The following MED12L variants were observed in gnomAD, a reference collection of about 807,000 sequenced individuals.
MED12L encodes the protein mediator complex subunit 12L.
In MED12L, 60 loss-of-function variants were observed where a neutral mutation model predicts 281.3. That is an observed-to-expected ratio of 0.21 (90% CI 0.17 to 0.26). MED12L has a LOEUF of 0.26. Ranked by LOEUF, MED12L falls within the 10% of genes least tolerant of loss-of-function variation. The pLI, the probability that MED12L is intolerant of heterozygous loss-of-function variation, is 1.00. For synonymous variants in MED12L, 974 were observed against 987.2 expected (o/e 0.99, Z 0.25); for missense variants, 2,146 against 2,680.9 (o/e 0.80, Z 4.41).
rs1464346390 is a variant in MED12L at position 151,373,661 on chromosome 3, AT to A, written c.3864+896del. 3.9e-4 allele frequency among the ~76,000 whole-genome samples: 60 copies of A among 152,092 alleles called. No individual in the cohort carries two copies. In the East Asian group the frequency reaches 9.8e-3, roughly 25 times the overall value. On this transcript the variant is annotated intron_variant, in intron 27 of 44. Coordinates refer to ENST00000687756, the MANE Select transcript of MED12L (RefSeq NM_001393769.1). ...CCTCTCCCCTGTTTATTTATTATCCATATGGGTTATAATATACTGTACTTAG... is the reference window on the plus strand; with the variant it reads ...CCTCTCCCCTGTTTATTTATTATCCAATGGGTTATAATATACTGTACTTAG...
intron 36 of MED12L, among the ~76,000 whole-genome samples, chr3:151,386,200 A>G (rs915094715): frequency 2.6e-5 from 4 of 152,216 alleles, no homozygotes; most frequent in African/African-American, 9.6e-5. Context: ...GTTTGTGTAA[A>G]GAAAAAAAGC....
At chr3:151,149,934 A>G (rs181409500) in intron 5 of MED12L, among the ~76,000 whole-genome samples, 7 of 152,256 alleles carry the variant, frequency 4.6e-5, no homozygotes, top group Admixed American at 3.9e-4. Context: ...TTCTAATTCT[A>G]GTTCTCTTGC....
chr3:151,121,122 T>C (rs1713689834), intron 3 of MED12L, among the ~76,000 whole-genome samples: 2 of 152,246 alleles, frequency 1.3e-5, no homozygotes. Context: ...TGTAGGTGTT[T>C]TGTGCTCTTG....
intron 16 of MED12L, among the ~76,000 whole-genome samples, chr3:151,231,665 A>G (rs551197843): frequency 9.9e-5 from 15 of 152,222 alleles, no homozygotes; most frequent in Non-Finnish European, 1.9e-4. Flanking sequence ...CCAAAGAGAA[A>G]TAACACCGTT....
intron 16 of MED12L, among the ~76,000 whole-genome samples, chr3:151,235,207 C>G (rs1051851116): frequency 3.9e-5 from 6 of 152,158 alleles, no homozygotes; most frequent in African/African-American, 1.4e-4. Flanking sequence ...CATCTAATGC[C>G]TGGCAGAACT....
Position 151,409,250 on chromosome 3 carries a change from C to T in MED12L, c.5828C>T (p.Pro1943Leu), listed in dbSNP as rs779962238. ...TTTGGCTTTGTTTTCCAGGGCCAGC[C>T]GGGGGACCAGGCTGCTCTCTTTGCT... ...AQTRPFQQGQPGDQAALFAAQ... is the reference protein window; with the variant it reads ...AQTRPFQQGQLGDQAALFAAQ... Residue 1943 changes from proline (P) to leucine (L), a missense_variant, in exon 40 of 45, where the codon CCG (proline) becomes CTG (leucine). By Grantham distance (98) the Pro-to-Leu change is moderately conservative (BLOSUM62 -3). Around this residue, in one of 9 missense-constraint regions of MED12L, gnomAD observed 496 missense variants for 512.0 expected, o/e 0.97. Coordinates refer to ENST00000687756, the MANE Select transcript of MED12L (RefSeq NM_001393769.1). 5 of 1,592,236 alleles carry T rather than the reference C, an allele frequency of 3.1e-6. No individual in the cohort carries two copies. The highest frequency in any genetic ancestry group is 1.1e-5 in the South Asian group (1 of 87,318).
intron 39 of MED12L, among the ~76,000 whole-genome samples, chr3:151,408,619 A>G (rs1207216321): frequency 6.6e-6 from 1 of 152,336 alleles, no homozygotes; most frequent in Admixed American, 6.5e-5. Flanking sequence ...TATGGCCAAA[A>G]CATGTATTAG....
At chr3:151,393,735 TTA>T (rs1714594914) in intron 38 of MED12L, among the ~76,000 whole-genome samples, 2 of 152,208 alleles carry the variant, frequency 1.3e-5, no homozygotes, top group South Asian at 4.1e-4. Flanking sequence ...CCCAAGATTT[TTA>T]GTTTCCTTTC....
At chr3:151,137,147 GT>G (rs1716254393) in intron 5 of MED12L, among the ~76,000 whole-genome samples, 1 of 141,550 alleles carries the variant, frequency 7.1e-6, no homozygotes, top group African/African-American at 2.7e-5. Context: ...GGTAACAGAG[GT>G]AGACTCCGTC....
In MED12L at chr3:151,163,914, A is replaced by G. The variant is rs746346529; in HGVS notation, c.1129A>G (p.Ser377Gly). ...MLQTVTLCCP[S>G]ALVWNYSTNE... ...CCAGACTGTCACTCTCTGTTGCCCAAGTGCCTTGGTGTGGAATTATTCCAC... is the reference window on the plus strand; with the variant it reads ...CCAGACTGTCACTCTCTGTTGCCCAGGTGCCTTGGTGTGGAATTATTCCAC... Residue 377 changes from serine (S) to glycine (G), a missense_variant, in exon 9 of 45, where the codon AGT becomes GGT. By Grantham distance (56) the Ser-to-Gly change is moderately conservative. Transcript: ENST00000687756. 3 of 1,613,050 alleles carry G rather than the reference A, an allele frequency of 1.9e-6. No homozygotes were observed. Among genetic ancestry groups the G allele is most frequent in the Admixed American group, 1.7e-5 (1 of 59,846 alleles).
chr3:151,281,349 G>C (rs1185177811), intron 16 of MED12L, among the ~76,000 whole-genome samples: 3 of 151,564 alleles, frequency 2.0e-5, no homozygotes, highest in African/African-American at 7.3e-5. Flanking sequence ...GGTGGAAGTT[G>C]CAGTGAGCTG....
At chr3:151,114,581 T>C (rs564417795) in intron 2 of MED12L, among the ~76,000 whole-genome samples, 11 of 152,218 alleles carry the variant, frequency 7.2e-5, no homozygotes, top group Non-Finnish European at 1.2e-4. Flanking sequence ...CTTATTCTTG[T>C]GCCGTGGCTA....
intron 16 of MED12L, among the ~76,000 whole-genome samples, chr3:151,196,188 G>A (rs1454748835): frequency 2.0e-5 from 3 of 152,334 alleles, no homozygotes; most frequent in East Asian, 3.9e-4. Flanking sequence ...TGAATCATGA[G>A]ATAATTTAAC....
At chr3:151,387,122 A>G (rs2108198315) in intron 36 of MED12L, among the ~76,000 whole-genome samples, 1 of 152,376 alleles carries the variant, frequency 6.6e-6, no homozygotes, top group South Asian at 2.1e-4. Context: ...TTTAAGGAAA[A>G]ATATTTTTAA....
intron 39 of MED12L, among the ~76,000 whole-genome samples, chr3:151,404,469 C>T (rs932390967): frequency 1.3e-5 from 2 of 152,134 alleles, no homozygotes; most frequent in Non-Finnish European, 2.9e-5. Context: ...TTAGAATTTC[C>T]TCTCTCTGTT....
At chr3:151,289,473 C>T (rs1250120181) in intron 16 of MED12L, among the ~76,000 whole-genome samples, 1 of 152,142 alleles carries the variant, frequency 6.6e-6, no homozygotes, top group African/African-American at 2.4e-5. Context: ...TTGCAAAATA[C>T]GTAGAGGTAA....
intron 12 of MED12L, among the ~76,000 whole-genome samples, chr3:151,185,929 C>T (rs915300042): frequency 2.6e-5 from 4 of 152,022 alleles, no homozygotes; most frequent in African/African-American, 4.8e-5. Context: ...TTGAAATATG[C>T]GTACACAAAA....
intron 32 of MED12L, among the ~76,000 whole-genome samples, chr3:151,381,159 A>G (rs1296249081): frequency 6.6e-6 from 1 of 152,206 alleles, no homozygotes; most frequent in East Asian, 1.9e-4. Flanking sequence ...GAGGTGTTTT[A>G]TCCTGATACA....
chr3:151,227,907 T>C (rs944663302), intron 16 of MED12L, among the ~76,000 whole-genome samples: 9 of 152,158 alleles, frequency 5.9e-5, no homozygotes, highest in African/African-American at 2.2e-4. Flanking sequence ...CTGTATCCAC[T>C]AGGTGGCAGT....
Sources: allele counts gnomAD v4.1 joint callset (sites outside exome capture counted in the v4.1 genomes callset), GRCh38; gene constraint gnomAD v4.1.1; regional missense constraint gnomAD v4.1.1; transcripts MANE v1.5; gene names NCBI Gene and HGNC (gene_info 2026-07-23, HGNC 2026-07-21).